CECR2: variants seen among roughly 807,000 people sequenced by gnomAD.
CECR2 encodes chromatin remodeling regulator CECR2.
A neutral mutation model predicts 154.5 loss-of-function variants in CECR2; 30 were observed. That is an observed-to-expected ratio of 0.19 (90% CI 0.15 to 0.26). The LOEUF (loss-of-function observed/expected upper bound fraction) is 0.26, where lower values mean the gene tolerates loss of function less well. CECR2 is among the 10% of genes least tolerant of loss of function. The pLI is 1.00. For synonymous variants in CECR2, 725 were observed against 683.7 expected (o/e 1.06, Z -0.94); for missense variants, 1,743 against 1,829.3 (o/e 0.95, Z 0.86).
Position 17,381,897 on chromosome 22 carries a change from G to T in CECR2, c.126+11988G>T, listed in dbSNP as rs28520090. Among the ~76,000 whole-genome samples the T allele has an allele frequency of 3.5e-3, 492 of 139,730 alleles. 1 individual carries two copies. Among genetic ancestry groups the T allele is most frequent in the African/African-American group, 0.012 (420 of 35,126 alleles). 91.7% of individuals were successfully genotyped at this position (139,730 alleles called of 152,430 possible). On this transcript the variant is annotated intron_variant, in intron 1 of 18. Transcript: ENST00000262608. ...GAGAGCCCCCACATTTTTTTTTTTT[G>T]TTTTTTTTGAGACGGAGTCTCACTC...
chr22:17,456,635 A>G (rs551491901), intron 1 of CECR2, among the ~76,000 whole-genome samples: 122 of 152,286 alleles, frequency 8.0e-4, no homozygotes, highest in African/African-American at 2.8e-3. Flanking sequence ...TTCCTCAGAA[A>G]ATTTTCAGAA....
chr22:17,509,293 A>G (rs1002340410), intron 7 of CECR2, among the ~76,000 whole-genome samples: 2 of 152,148 alleles, frequency 1.3e-5, no homozygotes, highest in Non-Finnish European at 2.9e-5. Flanking sequence ...GAAACGGGGC[A>G]GTGGAAGAGG....
chr22:17,506,436 C>G (rs879314691), intron 7 of CECR2, among the ~76,000 whole-genome samples: 41 of 152,254 alleles, frequency 2.7e-4, no homozygotes, highest in Admixed American at 2.7e-3. Context: ...CCCCTCTCTA[C>G]TTCCTTACCC....
At position 17,478,652 on chromosome 22, in the gene CECR2, G is replaced by A. The variant is rs1004211772; in HGVS notation, c.221+970G>A. On this transcript the variant is annotated intron_variant, in intron 2 of 18. Transcript: ENST00000262608. Reference sequence around the variant, plus strand: ...TTACAGGCGTGAGCCACCGCGCCTGGCCAAGTATCAGATATTTTTGTTCTA... The same window carrying A: ...TTACAGGCGTGAGCCACCGCGCCTGACCAAGTATCAGATATTTTTGTTCTA... Among the ~76,000 whole-genome samples, 96 of 152,174 alleles carry A rather than the reference G, an allele frequency of 6.3e-4. 1 individual carries two copies. Among genetic ancestry groups the A allele is most frequent in the African/African-American group, 2.3e-3 (94 of 41,424 alleles).
Position 17,549,166 on chromosome 22 carries a change from C to T in CECR2, c.3879C>T (p.Pro1293=). The T allele has an allele frequency of 6.2e-7, 1 of 1,613,980 alleles. No individual in the cohort carries two copies. The highest frequency in any genetic ancestry group is 8.5e-7 in the Non-Finnish European group (1 of 1,179,884). The change falls in exon 17 of 19, where the codon CCC becomes CCT. Residue 1293 remains proline, a synonymous_variant. Coordinates refer to ENST00000262608, the MANE Select transcript of CECR2 (RefSeq NM_001290047.2). The part of the protein sequence containing the change: ...LDESMERPES[P]KEFLDLDNHN... The stretch of plus-strand genomic sequence containing the variant: ...AATCTATGGAGAGGCCAGAGAGTCC[C>T]AAAGAATTTTTAGACCTGGACAACC...
At position 17,557,145 on chromosome 22, in the gene CECR2, C is replaced by CTTTTTTTTTTTTTTTTTT. The variant is rs695763; in HGVS notation, c.*4308_*4325dup. On this transcript the variant is annotated 3_prime_UTR_variant, in exon 19 of 19. Coordinates refer to ENST00000262608, the MANE Select transcript of CECR2 (RefSeq NM_001290047.2). ...TACTGCATCCCGTTTTTTTTCTTTT[C>CTTTTTTTTTTTTTTTTTT]TTTTTTTTTTTTTTTTTTTTGAGAC... 16 of 106,538 alleles carry CTTTTTTTTTTTTTTTTTT rather than the reference C, an allele frequency of 1.5e-4. 1 individual carries two copies. The highest frequency in any genetic ancestry group is 2.0e-4 in the Non-Finnish European group (11 of 55,920). The allele number at this position is 106,538 out of a possible 1,614,324, so 6.6% of individuals were successfully genotyped here.
At chr22:17,521,367 C>T (rs1015525843) in intron 8 of CECR2, among the ~76,000 whole-genome samples, 3 of 152,092 alleles carry the variant, frequency 2.0e-5, no homozygotes, top group Admixed American at 6.5e-5. Context: ...AGTGATACCC[C>T]GTCTCTACTA....
intron 9 of CECR2, among the ~76,000 whole-genome samples, chr22:17,535,272 C>T (rs1023084279): frequency 2.6e-5 from 4 of 151,886 alleles, no homozygotes; most frequent in South Asian, 4.2e-4. Context: ...GAGCTGAGAT[C>T]GCACCACTAC....
intron 2 of CECR2, among the ~76,000 whole-genome samples, chr22:17,491,889 C>T (rs955589272): frequency 2.6e-5 from 4 of 152,132 alleles, no homozygotes; most frequent in African/African-American, 7.2e-5. Flanking sequence ...ACCATATTTT[C>T]CTTTAATTTG....
chr22:17,362,901 C>CAAA (rs372498587), intron 1 of CECR2, among the ~76,000 whole-genome samples: 5 of 82,156 alleles, frequency 6.1e-5, no homozygotes, highest in Non-Finnish European at 1.2e-4. Flanking sequence ...AACTCCGTCT[C>CAAA]AAAAAAAAAA....
chr22:17,458,744 T>C (rs557622139), intron 1 of CECR2, among the ~76,000 whole-genome samples: 6 of 152,336 alleles, frequency 3.9e-5, no homozygotes, highest in Admixed American at 3.9e-4. Flanking sequence ...TTACCAAATA[T>C]TCTTGGAAAG....
At chr22:17,517,426 G>A (rs947720507) in intron 8 of CECR2, among the ~76,000 whole-genome samples, 2 of 152,136 alleles carry the variant, frequency 1.3e-5, no homozygotes, top group East Asian at 1.9e-4. Context: ...GTGTGAGAAC[G>A]GAGGAATACC....
rs990573055 is a variant in CECR2, at chr22:17,554,587, T to G, written c.*1747T>G. ...ACGCAAATGCTGAACCTGGTGCTGC[T>G]GCCTAGGGCTCAGGCAGATTTGAGA... On this transcript the variant is annotated 3_prime_UTR_variant, in exon 19 of 19. Transcript: ENST00000262608. The G allele has an allele frequency of 6.6e-6, 1 of 152,216 alleles. No individual in the cohort carries two copies. The highest frequency in any genetic ancestry group is 1.5e-5 in the Non-Finnish European group (1 of 68,040). The allele number at this position is 152,216 out of a possible 1,614,324, so 9.4% of individuals were successfully genotyped here.
intron 1 of CECR2, among the ~76,000 whole-genome samples, chr22:17,457,939 A>G (rs1000832551): frequency 6.6e-6 from 1 of 152,238 alleles, no homozygotes; most frequent in Non-Finnish European, 1.5e-5. Context: ...TTTACATATA[A>G]CATCATTGAA....
chr22:17,499,139 G>A lies in CECR2; in HGVS notation c.406-271G>A, dbSNP rs186185194. Among the ~76,000 whole-genome samples, 38 of 152,046 alleles carry A rather than the reference G, an allele frequency of 2.5e-4. 1 individual carries two copies. The East Asian group carries it at 6.0e-3, about 24-fold the overall frequency. ...CGAGTAGCTGGGATTACAGGCGCGC[G>A]CCACCACGCCCAGCTGATTTTTTGT... On this transcript the variant is annotated intron_variant, in intron 3 of 18. Transcript: ENST00000262608.
chr22:17,412,582 T>G (rs952745346), intron 1 of CECR2, among the ~76,000 whole-genome samples: 8 of 152,024 alleles, frequency 5.3e-5, no homozygotes, highest in African/African-American at 1.9e-4. Context: ...CAGAGGTAAG[T>G]GATGGAAGGG....
At chr22:17,476,755 T>A (rs1223051171) in intron 1 of CECR2, among the ~76,000 whole-genome samples, 1 of 152,180 alleles carries the variant, frequency 6.6e-6, no homozygotes, top group Non-Finnish European at 1.5e-5. Flanking sequence ...GCATCCTGGT[T>A]GAAAGAATGT....
chr22:17,426,211 A>T (rs2054326839), intron 1 of CECR2, among the ~76,000 whole-genome samples: 1 of 152,314 alleles, frequency 6.6e-6, no homozygotes, highest in African/African-American at 2.4e-5. Context: ...CCCACAATAC[A>T]TTATCACACA....
In CECR2 at chr22:17,557,593, A is replaced by G. The variant is rs1295953841; in HGVS notation, c.*4753A>G. On this transcript the variant is annotated 3_prime_UTR_variant, in exon 19 of 19. Transcript: ENST00000262608. ...TAGTTTCTCCCTCTTGTCCTGCACAAGAGGACTAACTGAACTCTAACGTCA... is the reference window on the plus strand; with the variant it reads ...TAGTTTCTCCCTCTTGTCCTGCACAGGAGGACTAACTGAACTCTAACGTCA... 1 of 143,646 alleles carries G rather than the reference A, an allele frequency of 7.0e-6. No homozygotes were observed. Among genetic ancestry groups the G allele is most frequent in the Non-Finnish European group, 1.5e-5 (1 of 66,672 alleles). The allele number at this position is 143,646 out of a possible 1,614,324, so 8.9% of individuals were successfully genotyped here.
Sources: allele counts gnomAD v4.1 joint callset (sites outside exome capture counted in the v4.1 genomes callset), GRCh38; gene constraint gnomAD v4.1.1; transcripts MANE v1.5; gene names NCBI Gene and HGNC (gene_info 2026-07-23, HGNC 2026-07-21).